The following ADGRL2 variants were observed in gnomAD, a reference collection of about 807,000 sequenced individuals.
ADGRL2 encodes the protein adhesion G protein-coupled receptor L2, also known as calcium-independent alpha-latrotoxin receptor 2.
A neutral mutation model predicts 157.4 loss-of-function variants in ADGRL2; 44 were observed. The observed-to-expected ratio is 0.28, with a 90% CI of 0.22 to 0.36. ADGRL2 has a LOEUF of 0.36. Ranked by LOEUF, ADGRL2 falls within the 10% of genes least tolerant of loss-of-function variation. The probability of loss-of-function intolerance (pLI) is 1.00; values close to 1 mark genes in which losing one functional copy is unlikely to be tolerated. For missense variants in ADGRL2, 1,510 were observed against 1,768.9 expected, an observed-to-expected ratio of 0.85 and a Z score of 2.63; for synonymous variants, 585 against 624.7, an observed-to-expected ratio of 0.94 and a Z score of 0.95.
rs917080272 is a variant in ADGRL2 at position 81,513,069 on chromosome 1, G to A, written c.-247-67807G>A. Among the ~76,000 whole-genome samples the A allele has an allele frequency of 7.9e-5, 12 of 152,200 alleles. No homozygotes were observed. In the East Asian group the frequency reaches 2.1e-3, roughly 27 times the overall value. Reference sequence around the variant, plus strand: ...TAAATGTATATTTTTTATATTGAGTGTGTGAAAAATTAAGATATCCATCTT... The same window carrying A: ...TAAATGTATATTTTTTATATTGAGTATGTGAAAAATTAAGATATCCATCTT... On this transcript the variant is annotated intron_variant, in intron 2 of 24. Transcript: ENST00000370721.
chr1:81,905,711 CTGTTTTATT>C (rs758205296), intron 2 of ADGRL2, among the ~76,000 whole-genome samples: 65 of 152,152 alleles, frequency 4.3e-4, no homozygotes, highest in Admixed American at 7.9e-4. Context: ...TAGATTTATT[CTGTTTTATT>C]ATAGAATTGT....
chr1:81,593,470 G>A (rs926878487), intron 3 of ADGRL2, among the ~76,000 whole-genome samples: 1 of 152,162 alleles, frequency 6.6e-6, no homozygotes, highest in African/African-American at 2.4e-5. Context: ...GAACTAATAT[G>A]TGAAGTGTTT....
chr1:81,739,721 T>C (rs775056175), intron 1 of ADGRL2, among the ~76,000 whole-genome samples: 1 of 152,216 alleles, frequency 6.6e-6, no homozygotes, highest in African/African-American at 2.4e-5. Context: ...CTACCCAGCA[T>C]GCTAAGCAAA....
rs1299966844 is a variant in ADGRL2 at position 81,528,614 on chromosome 1, T to C, written c.-247-52262T>C. On this transcript the variant is annotated intron_variant, in intron 2 of 24. Transcript: ENST00000370721. ...GTGAGCCAAGATAGTGCCACTGCAG[T>C]CCGGCCTGGGCAAAAAAGTGAGACT... Among the ~76,000 whole-genome samples the C allele has an allele frequency of 3.1e-5, 4 of 130,800 alleles. No individual in the cohort carries two copies. The East Asian group carries it at 8.8e-4, about 29-fold the overall frequency. 85.8% of individuals were successfully genotyped at this position (130,800 alleles called of 152,430 possible). A position where few individuals can be genotyped will look rare whatever the true frequency, so the allele number is the denominator to read the frequency against.
intron 1 of ADGRL2, among the ~76,000 whole-genome samples, chr1:81,404,388 T>C (rs2076816821): frequency 6.6e-6 from 1 of 152,250 alleles, no homozygotes; most frequent in African/African-American, 2.4e-5. Context: ...TCCCAGATAC[T>C]GTTCCAAGAA....
intron 2 of ADGRL2, 94 bp from the exon 3 acceptor site, chr1:81,906,923 A>G: frequency 2.0e-6 from 2 of 995,416 alleles, no homozygotes; most frequent in Non-Finnish European, 3.0e-6. Context: ...TCTCTTGACG[A>G]TAGACATGAA....
chr1:81,594,042 T>C lies in ADGRL2; in HGVS notation c.-143+13062T>C, dbSNP rs556361518. ...AAGAATATTGTTTATTATATGTTTA[T>C]ATACACTGGCTCAGGAGAGTATAAG... is the stretch of plus-strand genomic sequence containing the variant. On this transcript the variant is annotated intron_variant, in intron 3 of 24. Coordinates refer to the ADGRL2 transcript ENST00000370721. Among the ~76,000 whole-genome samples, 7 of 152,350 alleles carry C rather than the reference T, an allele frequency of 4.6e-5. No individual in the cohort carries two copies. The South Asian group carries it at 1.4e-3, about 32-fold the overall frequency.
At chr1:81,851,409 A>T (rs889538293) in intron 2 of ADGRL2, among the ~76,000 whole-genome samples, 1 of 151,854 alleles carries the variant, frequency 6.6e-6, no homozygotes, top group Non-Finnish European at 1.5e-5. Flanking sequence ...GTTAAAAATG[A>T]TGAGTAATGA....
chr1:81,556,312 A>G (rs1238342381), intron 2 of ADGRL2, among the ~76,000 whole-genome samples: 1 of 87,132 alleles, frequency 1.1e-5, no homozygotes, highest in Non-Finnish European at 2.0e-5. Flanking sequence ...GGCTGTCACA[A>G]TTTTTTTTTT....
At chr1:81,506,752 CAAAAA>C (rs138623608) in intron 2 of ADGRL2, among the ~76,000 whole-genome samples, 11,348 of 150,970 alleles carry the variant, frequency 0.075, 612 homozygotes, top group East Asian at 0.23. Flanking sequence ...CAAAACAAAA[CAAAAA>C]ACCAGACAAT....
intron 1 of ADGRL2, among the ~76,000 whole-genome samples, chr1:81,353,161 C>A (rs961944485): frequency 6.6e-6 from 1 of 152,086 alleles, no homozygotes; most frequent in Non-Finnish European, 1.5e-5. Context: ...CCCAGGCAGT[C>A]TCTCTTCCAG....
chr1:81,718,404 T>A (rs2084187377), intron 1 of ADGRL2, among the ~76,000 whole-genome samples: 1 of 152,132 alleles, frequency 6.6e-6, no homozygotes, highest in Non-Finnish European at 1.5e-5. Flanking sequence ...CTGTTTGTAG[T>A]TCATGTTCAC....
intron 1 of ADGRL2, among the ~76,000 whole-genome samples, chr1:81,377,009 G>C (rs80036623): frequency 6.6e-6 from 1 of 152,010 alleles, no homozygotes; most frequent in African/African-American, 2.4e-5. Context: ...GCCAAAAAGC[G>C]AGACACCATC....
intron 2 of ADGRL2, among the ~76,000 whole-genome samples, chr1:81,839,642 C>G (rs1252255247): frequency 2.0e-5 from 3 of 151,576 alleles, no homozygotes; most frequent in African/African-American, 7.3e-5. Context: ...TTGGTTTTCT[C>G]TTCCTGAGTT....
intron 1 of ADGRL2, among the ~76,000 whole-genome samples, chr1:81,339,994 T>A (rs1051773443): frequency 6.6e-6 from 1 of 152,220 alleles, no homozygotes; most frequent in Non-Finnish European, 1.5e-5. Flanking sequence ...TAAGAGATTC[T>A]CAAAAAGAGC....
chr1:81,606,771 TGTGC>T (rs1557501073), intron 3 of ADGRL2, among the ~76,000 whole-genome samples: 1 of 86,512 alleles, frequency 1.2e-5, no homozygotes, highest in African/African-American at 4.1e-5. Flanking sequence ...TGTGTGTGTG[TGTGC>T]GCACGCGTGT....
intron 3 of ADGRL2, among the ~76,000 whole-genome samples, chr1:81,915,723 G>A (rs1426702759): frequency 6.6e-6 from 1 of 152,106 alleles, no homozygotes; most frequent in East Asian, 1.9e-4. Flanking sequence ...TTTCAACTTT[G>A]GTGATTTTGC....
chr1:81,703,754 G>GT (rs778104433), intron 1 of ADGRL2, among the ~76,000 whole-genome samples: 12 of 152,200 alleles, frequency 7.9e-5, no homozygotes, highest in Non-Finnish European at 1.6e-4. Flanking sequence ...ACATTAACTT[G>GT]TGCCAAGGTT....
At chr1:81,362,041 A>G (rs943935001) in intron 1 of ADGRL2, among the ~76,000 whole-genome samples, 4 of 151,810 alleles carry the variant, frequency 2.6e-5, no homozygotes, top group African/African-American at 9.7e-5. Context: ...ATATTGTTCA[A>G]CTTTAATAGA....
Sources: allele counts gnomAD v4.1 joint callset (sites outside exome capture counted in the v4.1 genomes callset), GRCh38; gene constraint gnomAD v4.1.1; transcripts MANE v1.5; gene names NCBI Gene and HGNC (gene_info 2026-07-23, HGNC 2026-07-21).